LRRC4C: variants seen among roughly 807,000 people sequenced by gnomAD.
LRRC4C encodes leucine rich repeat containing 4C.
In LRRC4C, 5 loss-of-function variants were observed where a neutral mutation model predicts 33.6. The observed-to-expected ratio is 0.15, with a 90% CI of 0.08 to 0.31. The LOEUF (loss-of-function observed/expected upper bound fraction) is 0.31, where lower values mean the gene tolerates loss of function less well. Ranked by LOEUF, LRRC4C falls within the 10% of genes least tolerant of loss-of-function variation. LRRC4C has a pLI of 1.00. For missense variants in LRRC4C, 560 were observed against 796.7 expected (o/e 0.70, Z 3.58); for synonymous variants, 329 against 302.0 (o/e 1.09, Z -0.93).
intron 2 of LRRC4C, among the ~76,000 whole-genome samples, chr11:40,877,931 T>C (rs73472680): frequency 0.08 from 12,105 of 151,644 alleles, 803 homozygotes; most frequent in African/African-American, 0.17. Context: ...ACAATGAACC[T>C]GTAATTTAAG....
chr11:40,651,707 C>A (rs1942815049), intron 2 of LRRC4C, among the ~76,000 whole-genome samples: 3 of 152,154 alleles, frequency 2.0e-5, no homozygotes, highest in Non-Finnish European at 2.9e-5. Context: ...TACAACTCTG[C>A]AAATTGTAAA....
chr11:40,765,148 A>C (rs1458428458), intron 2 of LRRC4C, among the ~76,000 whole-genome samples: 2 of 152,124 alleles, frequency 1.3e-5, no homozygotes, highest in Non-Finnish European at 2.9e-5. Context: ...TCCCCACCCA[A>C]ATCTCATATC....
At chr11:40,779,302 A>C (rs1374022753) in intron 2 of LRRC4C, among the ~76,000 whole-genome samples, 2 of 152,214 alleles carry the variant, frequency 1.3e-5, no homozygotes, top group African/African-American at 4.8e-5. Flanking sequence ...AGATAAACAT[A>C]TCTGAATGCC....
chr11:40,311,721 C>T (rs1298734832), intron 4 of LRRC4C, among the ~76,000 whole-genome samples: 6 of 151,952 alleles, frequency 3.9e-5, no homozygotes, highest in Non-Finnish European at 5.9e-5. Flanking sequence ...CCGAGATGGG[C>T]GATACACAAG....
At chr11:41,394,824 C>T in intron 1 of LRRC4C, 1 of 151,826 alleles carries the variant, frequency 6.6e-6, no homozygotes, top group East Asian at 1.9e-4. Flanking sequence ...AAATGTTTTG[C>T]ACAAGAGGAA....
intron 1 of LRRC4C, among the ~76,000 whole-genome samples, chr11:41,085,032 T>G (rs182647842): frequency 1.7e-3 from 257 of 152,316 alleles, no homozygotes; most frequent in Non-Finnish European, 2.6e-3. Flanking sequence ...TTAGCCAAGA[T>G]CGACACAGAT....
chr11:40,522,458 T>A (rs1955861063), intron 3 of LRRC4C, among the ~76,000 whole-genome samples: 1 of 152,172 alleles, frequency 6.6e-6, no homozygotes, highest in South Asian at 2.1e-4. Context: ...GGGAGATAAC[T>A]TAAATCGTGG....
At chr11:41,327,870 T>A (rs1048633004) in intron 1 of LRRC4C, among the ~76,000 whole-genome samples, 4 of 152,170 alleles carry the variant, frequency 2.6e-5, no homozygotes, top group African/African-American at 9.7e-5. Context: ...TCCACCATGA[T>A]TGTGAGGGCT....
At chr11:40,866,413 A>G (rs956604608) in intron 2 of LRRC4C, among the ~76,000 whole-genome samples, 3 of 152,172 alleles carry the variant, frequency 2.0e-5, no homozygotes, top group Non-Finnish European at 4.4e-5. Context: ...TTTCATGAAA[A>G]TCACGTACAT....
chr11:41,289,353 CCT>C (rs1214289053), intron 1 of LRRC4C, among the ~76,000 whole-genome samples: 1 of 152,032 alleles, frequency 6.6e-6, no homozygotes, highest in African/African-American at 2.4e-5. Flanking sequence ...TATACTGTAA[CCT>C]TTAAAGAATG....
At chr11:40,383,753 T>C (rs1339736880) in intron 3 of LRRC4C, among the ~76,000 whole-genome samples, 1 of 151,938 alleles carries the variant, frequency 6.6e-6, no homozygotes, top group Admixed American at 6.6e-5. Flanking sequence ...GACACTATCA[T>C]GGCTCACTGC....
At chr11:40,719,149 G>A (rs1344855419) in intron 2 of LRRC4C, among the ~76,000 whole-genome samples, 1 of 152,130 alleles carries the variant, frequency 6.6e-6, no homozygotes, top group Non-Finnish European at 1.5e-5. Flanking sequence ...ATTCCTTCTT[G>A]CTGTCAAAAG....
intron 2 of LRRC4C, among the ~76,000 whole-genome samples, chr11:40,732,331 G>A (rs1228841200): frequency 6.6e-6 from 1 of 152,020 alleles, no homozygotes; most frequent in African/African-American, 2.4e-5. Context: ...AGTAAATATT[G>A]GCGTCCAAAA....
At chr11:40,433,637 C>T (rs1411779463) in intron 3 of LRRC4C, among the ~76,000 whole-genome samples, 1 of 152,144 alleles carries the variant, frequency 6.6e-6, no homozygotes, top group Non-Finnish European at 1.5e-5. Context: ...AGCAGATATA[C>T]TGCAGGAGAG....
At chr11:40,971,521 A>G (rs1463816751) in intron 1 of LRRC4C, among the ~76,000 whole-genome samples, 1 of 152,228 alleles carries the variant, frequency 6.6e-6, no homozygotes, top group African/African-American at 2.4e-5. Flanking sequence ...ATGTCCATGC[A>G]GAAGCCTGCT....
chr11:41,225,671 T>A (rs540558353), intron 1 of LRRC4C, among the ~76,000 whole-genome samples: 1 of 152,162 alleles, frequency 6.6e-6, no homozygotes, highest in Non-Finnish European at 1.5e-5. Context: ...CTATCATATA[T>A]AAACATTTTT....
chr11:40,232,231 C>G (rs1865255469), intron 5 of LRRC4C, among the ~76,000 whole-genome samples: 1 of 152,174 alleles, frequency 6.6e-6, no homozygotes, highest in Non-Finnish European at 1.5e-5. Context: ...GTCTCGAACT[C>G]CTGACCTCAG....
intron 1 of LRRC4C, among the ~76,000 whole-genome samples, chr11:41,334,126 G>C (rs1362940791): frequency 1.3e-5 from 2 of 152,200 alleles, no homozygotes; most frequent in Admixed American, 1.3e-4. Flanking sequence ...AGGAACCAGA[G>C]AGAAGCCTCT....
rs190896602 is a variant in LRRC4C, at chr11:40,262,527, G to A, written c.-175-20929C>T. Reference sequence around the variant, plus strand: ...AAATCATTCTCCTATAAAGCCACGTGCCCACGTATGTTTATTGTGGCACTA... The same window carrying A: ...AAATCATTCTCCTATAAAGCCACGTACCCACGTATGTTTATTGTGGCACTA... On this transcript the variant is annotated intron_variant, in intron 4 of 6. Coordinates refer to ENST00000528697, the MANE Select transcript of LRRC4C (RefSeq NM_001258419.2). 3.0e-4 allele frequency among the ~76,000 whole-genome samples: 45 copies of A among 152,224 alleles called. 1 individual carries two copies. Among genetic ancestry groups the A allele is most frequent in the Admixed American group, 2.6e-3 (39 of 15,278 alleles).
Sources: gnomAD v4.1 joint callset for allele counts (sites outside exome capture counted in the v4.1 genomes callset) on GRCh38, gnomAD v4.1.1 for gene constraint, MANE v1.5 for transcripts, NCBI Gene and HGNC (gene_info 2026-07-23, HGNC 2026-07-21) for gene names.